PRORP: variants seen among roughly 807,000 people sequenced by gnomAD.
The protein encoded by PRORP is mitochondrial ribonuclease P catalytic subunit.
A neutral mutation model predicts 59.4 loss-of-function variants in PRORP; 51 were observed. That is an observed-to-expected ratio of 0.86 (90% confidence interval 0.69 to 1.08). PRORP has a LOEUF of 1.08. Ranked by LOEUF, PRORP falls within the 50% of genes least tolerant of loss-of-function variation. The pLI, the probability that PRORP is intolerant of heterozygous loss-of-function variation, is 0.00. For missense variants in PRORP, 646 were observed against 690.3 expected, an observed-to-expected ratio of 0.94 and a Z score of 0.72; for synonymous variants, 231 against 245.6, an observed-to-expected ratio of 0.94 and a Z score of 0.55.
At chr14:35,201,771 C>T (rs1017426543) in intron 5 of PRORP, among the ~76,000 whole-genome samples, 1 of 151,384 alleles carries the variant, frequency 6.6e-6, no homozygotes, top group Non-Finnish European at 1.5e-5. Context: ...GATTCTCATG[C>T]CTCAGCCTCC....
chr14:35,144,551 A>G (rs1351536661), intron 4 of PRORP: 2 of 145,934 alleles, frequency 1.4e-5, no homozygotes, highest in African/African-American at 2.4e-5. Flanking sequence ...GTGGTATGGT[A>G]TGGCGTTTTG....
intron 5 of PRORP, among the ~76,000 whole-genome samples, chr14:35,245,488 A>C (rs1164575338): frequency 6.6e-6 from 1 of 152,176 alleles, no homozygotes; most frequent in Non-Finnish European, 1.5e-5. Flanking sequence ...TACTAAAAAT[A>C]CAAAAAATTA....
Position 35,141,797 on chromosome 14 carries a change from G to C in PRORP, c.1167+14186G>C, listed in dbSNP as rs1381864119. Among the ~76,000 whole-genome samples, 12 of 144,494 alleles carry C rather than the reference G, an allele frequency of 8.3e-5. 1 individual carries two copies. The highest frequency in any genetic ancestry group is 1.5e-5 in the Non-Finnish European group (1 of 65,170). The allele number at this position is 144,494 out of a possible 152,430, so 94.8% of individuals were successfully genotyped here. On this transcript the variant is annotated intron_variant, in intron 4 of 7. Transcript: ENST00000534898. ...AGTGGCACAATCACGGCTCACTGCA[G>C]CTGAGACCTCCTGGGCTCAAGTGAT...
At chr14:35,169,385 C>T (rs577499488) in intron 4 of PRORP, among the ~76,000 whole-genome samples, 57 of 152,074 alleles carry the variant, frequency 3.7e-4, no homozygotes, top group African/African-American at 1.3e-3. Flanking sequence ...TGTATTGAAA[C>T]TTATTTTATG....
In PRORP at chr14:35,218,459, T is replaced by TAAAAAA. The variant is rs748403834; in HGVS notation, c.1275+37684_1275+37689dup. 4.9e-4 allele frequency among the ~76,000 whole-genome samples: 22 copies of TAAAAAA among 44,764 alleles called. 1 individual carries two copies. The highest frequency in any genetic ancestry group is 7.2e-4 in the Non-Finnish European group (20 of 27,700). 29.4% of individuals were successfully genotyped at this position (44,764 alleles called of 152,430 possible). On this transcript the variant is annotated intron_variant, in intron 5 of 7. Transcript: ENST00000534898. ...CTGGGCAACAGAGCAAGATCCTGTC[T>TAAAAAA]AAAAAAAGAAAAAAAAAAAAAAAAA...
chr14:35,184,472 C>T (rs552037787), intron 5 of PRORP, among the ~76,000 whole-genome samples: 6 of 152,192 alleles, frequency 3.9e-5, no homozygotes, highest in South Asian at 2.1e-4. Flanking sequence ...TAGTTATATT[C>T]GTAGCTCCAC....
intron 4 of PRORP, among the ~76,000 whole-genome samples, chr14:35,173,999 G>C (rs759668603): frequency 2.0e-5 from 3 of 152,002 alleles, no homozygotes; most frequent in African/African-American, 4.8e-5. Flanking sequence ...TCTCAGGATG[G>C]CTGGTTTCCA....
At chr14:35,236,957 TTTTC>T (rs2050232715) in intron 5 of PRORP, among the ~76,000 whole-genome samples, 2 of 151,760 alleles carry the variant, frequency 1.3e-5, no homozygotes, top group African/African-American at 4.8e-5. Context: ...TTCATTTTTC[TTTTC>T]TTTCTTTTCT....
chr14:35,136,295 G>T (rs1403889697), intron 4 of PRORP, among the ~76,000 whole-genome samples: 1 of 152,110 alleles, frequency 6.6e-6, no homozygotes, highest in Non-Finnish European at 1.5e-5. Flanking sequence ...CTTTTCTTTT[G>T]TCACCCTGGA....
intron 5 of PRORP, among the ~76,000 whole-genome samples, chr14:35,204,756 T>G (rs1344416157): frequency 1.3e-5 from 2 of 152,338 alleles, no homozygotes; most frequent in East Asian, 3.9e-4. Context: ...TTTCTCAGAT[T>G]TTCTTGTAGT....
At chr14:35,184,473 G>T (rs187740044) in intron 5 of PRORP, among the ~76,000 whole-genome samples, 9 of 152,172 alleles carry the variant, frequency 5.9e-5, no homozygotes, top group African/African-American at 1.9e-4. Flanking sequence ...AGTTATATTC[G>T]TAGCTCCACA....
At chr14:35,124,860 C>G (rs2047056793) in intron 2 of PRORP, among the ~76,000 whole-genome samples, 2 of 149,860 alleles carry the variant, frequency 1.3e-5, no homozygotes, top group South Asian at 2.1e-4. Flanking sequence ...TTTATTCTGT[C>G]TACTCTCTCC....
chr14:35,152,476 A>G (rs908000495), intron 4 of PRORP, among the ~76,000 whole-genome samples: 9 of 152,096 alleles, frequency 5.9e-5, no homozygotes, highest in African/African-American at 2.2e-4. Context: ...GTGGCCGGGC[A>G]GAGGGGCTCC....
intron 4 of PRORP, among the ~76,000 whole-genome samples, chr14:35,180,273 C>T (rs950101332): frequency 6.6e-5 from 10 of 152,122 alleles, no homozygotes; most frequent in Admixed American, 5.2e-4. Flanking sequence ...ACCCATCTTC[C>T]GCATCGCTCA....
intron 2 of PRORP, among the ~76,000 whole-genome samples, chr14:35,125,827 G>A (rs1282790056): frequency 1.3e-5 from 2 of 152,138 alleles, no homozygotes; most frequent in East Asian, 3.9e-4. Context: ...TTGGAGACCA[G>A]CCTGGGCATG....
chr14:35,262,508 A>G (rs2050930532), intron 5 of PRORP: 2 of 566,454 alleles, frequency 3.5e-6, no homozygotes, highest in Non-Finnish European at 6.4e-6. Context: ...GAAAATGGTG[A>G]CATTACTCTG....
chr14:35,248,765 T>C (rs2050543689), intron 5 of PRORP, among the ~76,000 whole-genome samples: 1 of 152,220 alleles, frequency 6.6e-6, no homozygotes, highest in Admixed American at 6.5e-5. Context: ...AAATACAGTG[T>C]CACTCTATGT....
In PRORP at chr14:35,146,387, A is replaced by G. The variant is rs2047611292; in HGVS notation, c.1167+18776A>G. Among the ~76,000 whole-genome samples the G allele has an allele frequency of 3.3e-5, 5 of 152,356 alleles. No individual in the cohort carries two copies. In the South Asian group the frequency reaches 6.2e-4, roughly 19 times the overall value. Reference sequence around the variant, plus strand: ...TCTAAATACAAATTTAAGACAGGACATATGACCCTAATGAAATGTCAGTAT... The same window carrying G: ...TCTAAATACAAATTTAAGACAGGACGTATGACCCTAATGAAATGTCAGTAT... On this transcript the variant is annotated intron_variant, in intron 4 of 7. Transcript: ENST00000534898.
At chr14:35,125,589 T>C (rs989809686) in intron 2 of PRORP, among the ~76,000 whole-genome samples, 3 of 152,274 alleles carry the variant, frequency 2.0e-5, no homozygotes, top group South Asian at 2.1e-4. Context: ...TGCCTTTTTT[T>C]CCCCTATATC....
Sources: gnomAD v4.1 joint callset for allele counts (sites outside exome capture counted in the v4.1 genomes callset) on GRCh38, gnomAD v4.1.1 for gene constraint, MANE v1.5 for transcripts, NCBI Gene and HGNC (gene_info 2026-07-23, HGNC 2026-07-21) for gene names.